Variants in SYT9 observed in about 807,000 individuals in gnomAD.
SYT9 encodes synaptotagmin 9.
SYT9 carries 22 observed loss-of-function variants against 48.4 expected under a neutral mutation model. That is an observed-to-expected ratio of 0.45 (90% CI 0.32 to 0.65). The LOEUF is 0.65. SYT9 is among the 30% of genes least tolerant of loss of function. The pLI is 0.03. For synonymous variants in SYT9, 265 were observed against 245.0 expected, an observed-to-expected ratio of 1.08 and a Z score of -0.76; for missense variants, 577 against 622.0, an observed-to-expected ratio of 0.93 and a Z score of 0.77.
intron 3 of SYT9, among the ~76,000 whole-genome samples, chr11:7,342,275 C>G (rs1849727215): frequency 6.6e-6 from 1 of 152,144 alleles, no homozygotes; most frequent in African/African-American, 2.4e-5. Flanking sequence ...AGTTCATAGT[C>G]CAAAGACTCA....
intron 3 of SYT9, among the ~76,000 whole-genome samples, chr11:7,325,163 C>T (rs1250987829): frequency 2.0e-5 from 3 of 151,784 alleles, no homozygotes; most frequent in African/African-American, 4.8e-5. Flanking sequence ...TCATTGGTAG[C>T]TTGATGGGGA....
chr11:7,424,358 C>G (rs528212650), intron 6 of SYT9, among the ~76,000 whole-genome samples: 3 of 152,298 alleles, frequency 2.0e-5, no homozygotes, highest in East Asian at 3.9e-4. Flanking sequence ...CGGAGCACCC[C>G]CTCCATAGGG....
At chr11:7,347,263 C>T (rs910911381) in intron 3 of SYT9, among the ~76,000 whole-genome samples, 8 of 151,288 alleles carry the variant, frequency 5.3e-5, no homozygotes, top group Admixed American at 2.0e-4. Context: ...TGAAGTCTCA[C>T]GCTTGTCCCC....
intron 3 of SYT9, among the ~76,000 whole-genome samples, chr11:7,349,859 G>A (rs1024305903): frequency 7.2e-5 from 11 of 152,202 alleles, no homozygotes; most frequent in Non-Finnish European, 1.5e-4. Context: ...CAGTTTTCCC[G>A]ATTATACTAC....
intron 3 of SYT9, among the ~76,000 whole-genome samples, chr11:7,323,564 A>C (rs1849375373): frequency 6.6e-6 from 1 of 152,050 alleles, no homozygotes; most frequent in Non-Finnish European, 1.5e-5. Flanking sequence ...TTGATTATTC[A>C]TCACTAAGTA....
chr11:7,356,608 T>A (rs1388852433), intron 3 of SYT9, among the ~76,000 whole-genome samples: 1 of 152,214 alleles, frequency 6.6e-6, no homozygotes, highest in Non-Finnish European at 1.5e-5. Flanking sequence ...AACATCTGAC[T>A]TGAGAACATT....
At chr11:7,462,809 C>A (rs1019770489) in intron 6 of SYT9, among the ~76,000 whole-genome samples, 1 of 152,174 alleles carries the variant, frequency 6.6e-6, no homozygotes, top group African/African-American at 2.4e-5. Flanking sequence ...CCCTTAGGTA[C>A]TTCCTGTAAT....
intron 1 of SYT9, among the ~76,000 whole-genome samples, chr11:7,287,830 G>A (rs6578842): frequency 0.86 from 130,684 of 152,170 alleles, 56,297 homozygotes; most frequent in South Asian, 0.91. Context: ...AACAAATTAT[G>A]CAGCAGCAAA....
intron 3 of SYT9, among the ~76,000 whole-genome samples, chr11:7,367,072 CTTTTTTTTTTT>C (rs35502843): frequency 1.3e-4 from 7 of 53,262 alleles, no homozygotes; most frequent in East Asian, 7.3e-4. Context: ...AGGAGACCAT[CTTTTTTTTTTT>C]TTTTTTTTTT....
intron 6 of SYT9, among the ~76,000 whole-genome samples, chr11:7,447,606 T>A (rs1221472591): frequency 6.6e-6 from 1 of 152,208 alleles, no homozygotes; most frequent in Non-Finnish European, 1.5e-5. Flanking sequence ...TAATTTTGTG[T>A]TGGTTTTACT....
intron 3 of SYT9, among the ~76,000 whole-genome samples, chr11:7,329,989 A>G (rs1849498881): frequency 6.6e-6 from 1 of 152,206 alleles, no homozygotes; most frequent in South Asian, 2.1e-4. Context: ...CTCTATAAAA[A>G]TCTATCCTTG....
chr11:7,421,401 T>G (rs1203860163), intron 6 of SYT9, among the ~76,000 whole-genome samples: 1 of 152,254 alleles, frequency 6.6e-6, no homozygotes, highest in East Asian at 1.9e-4. Flanking sequence ...CATGCAAGAC[T>G]GCTATTTACA....
At chr11:7,289,074 T>A (rs2133915962) in intron 1 of SYT9, among the ~76,000 whole-genome samples, 2 of 152,276 alleles carry the variant, frequency 1.3e-5, no homozygotes, top group South Asian at 4.1e-4. Context: ...ATCTGGAAAA[T>A]GTTAGTAAAA....
chr11:7,352,005 CT>C (rs1257074222), intron 3 of SYT9, among the ~76,000 whole-genome samples: 1 of 152,168 alleles, frequency 6.6e-6, no homozygotes, highest in African/African-American at 2.4e-5. Context: ...ACAGACCTTC[CT>C]TTTCTTTGCA....
chr11:7,350,873 G>A (rs1849901621), intron 3 of SYT9, among the ~76,000 whole-genome samples: 1 of 152,190 alleles, frequency 6.6e-6, no homozygotes, highest in South Asian at 2.1e-4. Context: ...ATTTCTAAAT[G>A]TGTAAAACAA....
intron 1 of SYT9, among the ~76,000 whole-genome samples, chr11:7,285,010 T>C (rs893306334): frequency 6.6e-6 from 1 of 152,192 alleles, no homozygotes; most frequent in Non-Finnish European, 1.5e-5. Flanking sequence ...CTATGGAGTT[T>C]GGGCATTGAG....
chr11:7,238,839 T>C, exon 1 of SYT9: 1 of 455,920 alleles, frequency 2.2e-6, no homozygotes, highest in South Asian at 1.5e-5. Flanking sequence ...GAAAGAATGA[T>C]ATGAAGAAGC....
At chr11:7,278,457 T>G (rs747436563) in intron 1 of SYT9, among the ~76,000 whole-genome samples, 1 of 152,118 alleles carries the variant, frequency 6.6e-6, no homozygotes, top group Non-Finnish European at 1.5e-5. Context: ...TTTAAAACTG[T>G]TTTACTGAGC....
chr11:7,399,228 A>G (rs1293184476), intron 3 of SYT9, among the ~76,000 whole-genome samples: 2 of 152,188 alleles, frequency 1.3e-5, no homozygotes, highest in Non-Finnish European at 2.9e-5. Context: ...AATGAACACC[A>G]TATATGACCT....
Sources: allele counts gnomAD v4.1 joint callset (sites outside exome capture counted in the v4.1 genomes callset), GRCh38; gene constraint gnomAD v4.1.1; transcripts MANE v1.5; gene names NCBI Gene and HGNC (gene_info 2026-07-23, HGNC 2026-07-21).